Variants in CDC42BPA observed in about 807,000 individuals in gnomAD.
CDC42BPA encodes CDC42 binding protein kinase alpha.
Under a neutral mutation model 223.5 loss-of-function variants are expected in CDC42BPA, and 80 were observed. The observed-to-expected ratio is 0.36, with a 90% CI of 0.30 to 0.43. The LOEUF (loss-of-function observed/expected upper bound fraction) is 0.43, where lower values mean the gene tolerates loss of function less well. CDC42BPA is among the 20% of genes least tolerant of loss of function. The pLI, the probability that CDC42BPA is intolerant of heterozygous loss-of-function variation, is 1.00. For synonymous variants in CDC42BPA, 694 were observed against 718.6 expected (o/e 0.97, Z 0.55); for missense variants, 1,743 against 2,099.9 (o/e 0.83, Z 3.32).
chr1:227,029,995 G>A (rs988027193), intron 29 of CDC42BPA, among the ~76,000 whole-genome samples: 7 of 152,022 alleles, frequency 4.6e-5, no homozygotes, highest in South Asian at 2.1e-4. Flanking sequence ...TTAGCCGGGC[G>A]TGGTGGTGCA....
At chr1:227,207,637 T>C (rs969215524) in intron 3 of CDC42BPA, among the ~76,000 whole-genome samples, 1 of 151,350 alleles carries the variant, frequency 6.6e-6, no homozygotes, top group Non-Finnish European at 1.5e-5. Flanking sequence ...GTTCTTGCGA[T>C]AGTTTACTAA....
At chr1:227,003,401 C>T (rs549659165) in intron 35 of CDC42BPA, among the ~76,000 whole-genome samples, 3 of 152,272 alleles carry the variant, frequency 2.0e-5, no homozygotes, top group African/African-American at 7.2e-5. Context: ...ACCATGCTCC[C>T]GGGAAAGCAC....
At chr1:227,244,618 C>G (rs1680593358) in intron 2 of CDC42BPA, among the ~76,000 whole-genome samples, 2 of 152,130 alleles carry the variant, frequency 1.3e-5, no homozygotes, top group African/African-American at 2.4e-5. Flanking sequence ...AGCAAGGTAG[C>G]AGAATAGAAG....
intron 35 of CDC42BPA, among the ~76,000 whole-genome samples, chr1:226,995,568 A>G (rs1178077945): frequency 6.6e-6 from 1 of 152,204 alleles, no homozygotes; most frequent in Non-Finnish European, 1.5e-5. Context: ...ATAAAACCAT[A>G]AAGAAAACAT....
chr1:227,112,155 T>G, intron 14 of CDC42BPA, 157 bp downstream of exon 14: 1 of 440,204 alleles, frequency 2.3e-6, no homozygotes, highest in East Asian at 3.4e-5. Context: ...GAAATCTGTA[T>G]TAGCTTCCTA....
chr1:227,256,938 T>TACACACACACACACACACACACACACAC (rs1442280387), intron 1 of CDC42BPA, among the ~76,000 whole-genome samples: 1 of 119,974 alleles, frequency 8.3e-6, no homozygotes, highest in African/African-American at 3.1e-5. Context: ...AAATGTGATA[T>TACACACACACACACACACACACACACAC]ATATATACAG....
chr1:227,053,716 T>C (rs1355097545), intron 21 of CDC42BPA, among the ~76,000 whole-genome samples: 1 of 152,164 alleles, frequency 6.6e-6, no homozygotes, highest in Non-Finnish European at 1.5e-5. Context: ...CCTTTCCTGA[T>C]AGTAAATTTT....
chr1:227,193,986 T>C, intron 4 of CDC42BPA, 52 bp from the exon 5 acceptor site: 1 of 1,320,890 alleles, frequency 7.6e-7, no homozygotes, highest in Non-Finnish European at 1.0e-6. Context: ...GGGTGAAAAA[T>C]CAATATACTG....
intron 33 of CDC42BPA, 74 bp from the exon 34 acceptor site, chr1:227,016,271 A>T (rs1339190535): frequency 3.8e-6 from 3 of 791,060 alleles, no homozygotes; most frequent in Non-Finnish European, 4.4e-6. Flanking sequence ...AATTAAGCTT[A>T]ATTTTCTTAA....
intron 5 of CDC42BPA, among the ~76,000 whole-genome samples, chr1:227,161,720 G>A (rs1468693454): frequency 1.3e-5 from 2 of 152,142 alleles, no homozygotes; most frequent in African/African-American, 4.8e-5. Context: ...TTTAGGTATT[G>A]CCTATGTCTG....
intron 16 of CDC42BPA, among the ~76,000 whole-genome samples, chr1:227,089,037 A>C (rs1485583579): frequency 6.6e-6 from 1 of 152,186 alleles, no homozygotes; most frequent in Non-Finnish European, 1.5e-5. Flanking sequence ...GCAATGAATT[A>C]TCTTTTAATA....
At chr1:227,263,628 C>A (rs528271708) in intron 1 of CDC42BPA, among the ~76,000 whole-genome samples, 1 of 148,540 alleles carries the variant, frequency 6.7e-6, no homozygotes, top group East Asian at 2.0e-4. Context: ...TGCACCCAGG[C>A]TGCAGTGTAA....
chr1:227,186,852 T>G (rs192384757), intron 5 of CDC42BPA, among the ~76,000 whole-genome samples: 15 of 152,338 alleles, frequency 9.8e-5, no homozygotes, highest in Admixed American at 5.9e-4. Context: ...GGCATTTTAC[T>G]GGCTACCTGT....
chr1:227,301,490 G>C (rs534568130), intron 1 of CDC42BPA, among the ~76,000 whole-genome samples: 1 of 152,018 alleles, frequency 6.6e-6, no homozygotes, highest in Non-Finnish European at 1.5e-5. Flanking sequence ...CTCCAGGGTA[G>C]CTGGGACTAC....
chr1:226,994,123 T>C lies in CDC42BPA; in HGVS notation c.*145A>G. ...GGGCGTGGATCTGAGAGTCGTGTCG[T>C]CAGAACTCCTGAATCCCTGTCCTGC... On this transcript the variant is annotated 3_prime_UTR_variant, in exon 37 of 37. Transcript: ENST00000366766. The surrounding 1 kb of genome is among the most constrained non-coding windows in gnomAD (Gnocchi z 4.0). 1.5e-6 allele frequency: 1 copy of C among 669,266 alleles called. No individual in the cohort carries two copies. 41.5% of individuals were successfully genotyped at this position (669,266 alleles called of 1,614,324 possible). A position where few individuals can be genotyped will look rare whatever the true frequency, so the allele number is the denominator to read the frequency against.
chr1:227,075,536 G>C (rs536963820), intron 17 of CDC42BPA, among the ~76,000 whole-genome samples: 1 of 152,222 alleles, frequency 6.6e-6, no homozygotes, highest in African/African-American at 2.4e-5. Context: ...CACATTCCTA[G>C]GCTCTATCTA....
At chr1:227,223,143 A>T (rs1452620186) in intron 2 of CDC42BPA, among the ~76,000 whole-genome samples, 1 of 152,042 alleles carries the variant, frequency 6.6e-6, no homozygotes, top group Non-Finnish European at 1.5e-5. Context: ...TTTTAAATGA[A>T]GTGGCTGACA....
At chr1:227,069,709 G>C in intron 21 of CDC42BPA, 68 bp downstream of exon 21, 1 of 1,143,792 alleles carries the variant, frequency 8.7e-7, no homozygotes, top group East Asian at 2.4e-5. Flanking sequence ...TTTATTATAA[G>C]TGAACTTTAA....
chr1:227,188,963 G>GAT (rs1669280468), intron 5 of CDC42BPA, among the ~76,000 whole-genome samples: 2 of 152,004 alleles, frequency 1.3e-5, no homozygotes, highest in African/African-American at 4.8e-5. Context: ...GGCGGGAGTA[G>GAT]ATATAAGGGG....
Sources: allele counts gnomAD v4.1 joint callset (sites outside exome capture counted in the v4.1 genomes callset), GRCh38; gene constraint gnomAD v4.1.1; non-coding constraint Gnocchi (gnomAD v3.1); transcripts MANE v1.5; gene names NCBI Gene and HGNC (gene_info 2026-07-23, HGNC 2026-07-21).